Variants in ADAMTS18 observed in about 807,000 individuals in gnomAD.
ADAMTS18 encodes the protein ADAM metallopeptidase with thrombospondin type 1 motif 18.
In ADAMTS18, 157 loss-of-function variants were observed where a neutral mutation model predicts 165.9. That is an observed-to-expected ratio of 0.95 (90% CI 0.83 to 1.08). The LOEUF is 1.08. Among genes scored for constraint, ADAMTS18 ranks in the 50% least tolerant of loss-of-function variants. The pLI is 0.00. For missense variants in ADAMTS18, 2,040 were observed against 1,534.0 expected (o/e 1.33, Z -5.51); for synonymous variants, 782 against 578.2 (o/e 1.35, Z -5.06).
rs750377848 is a variant in ADAMTS18, at chr16:77,289,316, A to C, written c.3498T>G (p.Pro1166=). The part of the protein sequence containing the change: ...PSSSCLLHQK[P]PVLRACNTNF... ...TTGTATTACAGGCTCGTAGCACCGG[A>C]GGTTTCTGATGGAGCAGACAACTTG... The change falls in exon 22 of 23, where the codon CCT becomes CCG. Residue 1166 remains proline, a synonymous_variant. Coordinates refer to ENST00000282849, the MANE Select transcript of ADAMTS18 (RefSeq NM_199355.4). The C allele has an allele frequency of 1.2e-6, 2 of 1,614,128 alleles. No homozygotes were observed. The highest frequency in any genetic ancestry group is 2.2e-5 in the South Asian group (2 of 91,080).
chr16:77,380,293 G>A (rs2057012576), intron 3 of ADAMTS18, among the ~76,000 whole-genome samples: 2 of 152,246 alleles, frequency 1.3e-5, no homozygotes, highest in Admixed American at 6.5e-5. Flanking sequence ...CTGTACGGAT[G>A]TAAATGTCAT....
intron 3 of ADAMTS18, among the ~76,000 whole-genome samples, chr16:77,397,410 A>G (rs2057272543): frequency 6.6e-6 from 1 of 152,230 alleles, no homozygotes; most frequent in African/African-American, 2.4e-5. Context: ...TTCCACTGCA[A>G]ACATTTTCAT....
In ADAMTS18 at chr16:77,300,347, T is replaced by C; in HGVS notation, c.2590A>G (p.Met864Val). The C allele has an allele frequency of 1.9e-6, 3 of 1,614,124 alleles. No homozygotes were observed. Among genetic ancestry groups the C allele is most frequent in the Middle Eastern group, 1.6e-4 (1 of 6,062 alleles). ...TTTGTGGCTGGTGGAGTTCCATTCATGACCTTGGGAAGTGCATACTTCCAA... is the reference window on the plus strand; with the variant it reads ...TTTGTGGCTGGTGGAGTTCCATTCACGACCTTGGGAAGTGCATACTTCCAA... ...IAWKYALPKV[M>V]NGTPPATKRP... The change falls in exon 17 of 23, where the codon ATG becomes GTG. Residue 864 changes from methionine to valine, a missense_variant. Physicochemically the swap from Met to Val is conservative, Grantham distance 21. Transcript: ENST00000282849.
chr16:77,313,156 G>C (rs112956502), intron 16 of ADAMTS18, among the ~76,000 whole-genome samples: 173 of 152,176 alleles, frequency 1.1e-3, no homozygotes, highest in African/African-American at 4.0e-3. Context: ...AACATGGATG[G>C]AGCTGGAAAC....
intron 7 of ADAMTS18, among the ~76,000 whole-genome samples, chr16:77,360,511 C>G (rs946242052): frequency 5.3e-5 from 8 of 151,458 alleles, no homozygotes; most frequent in Admixed American, 3.3e-4. Flanking sequence ...TTTGTTTTTT[C>G]CAAGCCTTTT....
chr16:77,329,804 T>G (rs576037981), intron 12 of ADAMTS18, among the ~76,000 whole-genome samples: 9 of 152,260 alleles, frequency 5.9e-5, no homozygotes, highest in Admixed American at 1.3e-4. Flanking sequence ...ATGATATGTC[T>G]TGGTGTAAGA....
At chr16:77,429,971 A>T (rs2057718684) in intron 3 of ADAMTS18, among the ~76,000 whole-genome samples, 1 of 152,272 alleles carries the variant, frequency 6.6e-6, no homozygotes, top group South Asian at 2.1e-4. Flanking sequence ...CCTATGAGTA[A>T]ATGCTGGTCT....
chr16:77,326,194 C>G (rs890193963), intron 12 of ADAMTS18, among the ~76,000 whole-genome samples, 156 bp from the exon 13 acceptor site: 1 of 152,162 alleles, frequency 6.6e-6, no homozygotes, highest in African/African-American at 2.4e-5. Context: ...TAGCATACAA[C>G]TTAACACCTT....
chr16:77,325,197 T>C (rs890273413), intron 13 of ADAMTS18, among the ~76,000 whole-genome samples: 8 of 152,210 alleles, frequency 5.3e-5, no homozygotes, highest in Non-Finnish European at 8.8e-5. Context: ...ACAGTTTTGA[T>C]AAATCTAATG....
chr16:77,299,077 G>A lies in ADAMTS18; in HGVS notation c.2674+1186C>T, dbSNP rs572035977. Reference sequence around the variant, plus strand: ...GGAATACCAGAAAGCTATTGGAAATGTTCTCAAGAAACACTGGATATGAGA... The same window carrying A: ...GGAATACCAGAAAGCTATTGGAAATATTCTCAAGAAACACTGGATATGAGA... On this transcript the variant is annotated intron_variant, in intron 17 of 22. Transcript: ENST00000282849. 2.3e-4 allele frequency among the ~76,000 whole-genome samples: 35 copies of A among 152,330 alleles called. 1 individual carries two copies. The highest frequency in any genetic ancestry group is 8.4e-4 in the African/African-American group (35 of 41,576).
At chr16:77,332,918 G>T (rs1343636490) in intron 12 of ADAMTS18, among the ~76,000 whole-genome samples, 1 of 152,070 alleles carries the variant, frequency 6.6e-6, no homozygotes, top group South Asian at 2.1e-4. Context: ...CGTATTTCTG[G>T]TTTCTCTTGA....
intron 12 of ADAMTS18, among the ~76,000 whole-genome samples, chr16:77,333,898 AT>A (rs1249608154): frequency 6.9e-6 from 1 of 145,782 alleles, no homozygotes; most frequent in African/African-American, 2.5e-5. Flanking sequence ...TATTAATAGT[AT>A]AATATATAGT....
At chr16:77,426,891 G>A (rs912605094) in intron 3 of ADAMTS18, among the ~76,000 whole-genome samples, 1 of 152,146 alleles carries the variant, frequency 6.6e-6, no homozygotes, top group Non-Finnish European at 1.5e-5. Flanking sequence ...GTACGTGCCT[G>A]TAGTCCCAGC....
At chr16:77,405,367 A>G (rs555065090) in intron 3 of ADAMTS18, among the ~76,000 whole-genome samples, 2 of 152,162 alleles carry the variant, frequency 1.3e-5, no homozygotes, top group Non-Finnish European at 2.9e-5. Flanking sequence ...CATCCAATTC[A>G]GCTCTCATTT....
At chr16:77,298,573 C>T (rs568662266) in intron 17 of ADAMTS18, among the ~76,000 whole-genome samples, 1 of 152,158 alleles carries the variant, frequency 6.6e-6, no homozygotes, top group African/African-American at 2.4e-5. Context: ...AGGCGGACTG[C>T]TTGAGGCCAG....
intron 16 of ADAMTS18, among the ~76,000 whole-genome samples, chr16:77,303,756 G>A (rs1357183771): frequency 1.4e-4 from 21 of 152,312 alleles, no homozygotes; most frequent in Non-Finnish European, 8.8e-5. Flanking sequence ...TGCTAGGGCC[G>A]GACGCGGGGG....
intron 3 of ADAMTS18, among the ~76,000 whole-genome samples, chr16:77,376,504 C>G: frequency 6.6e-6 from 1 of 152,118 alleles, no homozygotes; most frequent in East Asian, 1.9e-4. Context: ...GGAACCAACC[C>G]CTTCCCCTCA....
At chr16:77,359,166 T>C in intron 8 of ADAMTS18, 152 bp downstream of exon 8, 1 of 720,080 alleles carries the variant, frequency 1.4e-6, no homozygotes, top group Admixed American at 2.1e-5. Context: ...AGCTAGCCTT[T>C]AGTGAGCCCT....
chr16:77,399,000 T>C (rs2057293731), intron 3 of ADAMTS18, among the ~76,000 whole-genome samples: 1 of 152,228 alleles, frequency 6.6e-6, no homozygotes, highest in Admixed American at 6.5e-5. Context: ...CATGATCCTG[T>C]TCAGTGGCCA....
Sources: gnomAD v4.1 joint callset for allele counts (sites outside exome capture counted in the v4.1 genomes callset) on GRCh38, gnomAD v4.1.1 for gene constraint, MANE v1.5 for transcripts, NCBI Gene and HGNC (gene_info 2026-07-23, HGNC 2026-07-21) for gene names.